Variants in TBC1D8 observed in about 807,000 individuals in gnomAD.
TBC1D8 encodes TBC1 domain family member 8.
In TBC1D8, 65 loss-of-function variants were observed where a neutral mutation model predicts 118.8. The observed-to-expected ratio is 0.55, with a 90% CI of 0.45 to 0.67. The LOEUF is 0.67. TBC1D8 is among the 30% of genes least tolerant of loss of function. TBC1D8 has a pLI of 0.00. For synonymous variants in TBC1D8, 566 were observed against 595.8 expected (o/e 0.95, Z 0.73); for missense variants, 1,376 against 1,471.2 (o/e 0.94, Z 1.06).
intron 1 of TBC1D8, among the ~76,000 whole-genome samples, chr2:101,146,435 C>CA (rs1679320304): frequency 6.6e-6 from 1 of 152,132 alleles, no homozygotes; most frequent in African/African-American, 2.4e-5. Context: ...ATTCAAATTA[C>CA]AACTTTTAAA....
intron 2 of TBC1D8, among the ~76,000 whole-genome samples, chr2:101,066,048 G>A (rs189621783): frequency 6.9e-4 from 105 of 152,236 alleles, no homozygotes; most frequent in Non-Finnish European, 9.4e-4. Context: ...TTGGGAGGCC[G>A]AGGCAGGCAG....
intron 10 of TBC1D8, 22 bp downstream of exon 10, chr2:101,033,521 GC>G (rs1558637839): frequency 2.5e-6 from 4 of 1,613,114 alleles, no homozygotes; most frequent in Middle Eastern, 1.6e-4. Context: ...GACTCTCTGC[GC>G]CCCAGAGCAC....
chr2:101,038,825 G>A (rs1168281981), intron 6 of TBC1D8, among the ~76,000 whole-genome samples, 170 bp from the exon 7 acceptor site: 1 of 152,208 alleles, frequency 6.6e-6, no homozygotes, highest in Non-Finnish European at 1.5e-5. Context: ...GGGAGGCTGT[G>A]CAAGGCTGCA....
intron 15 of TBC1D8, among the ~76,000 whole-genome samples, chr2:101,025,540 C>T (rs1237810003): frequency 6.6e-6 from 1 of 152,048 alleles, no homozygotes; most frequent in African/African-American, 2.4e-5. Flanking sequence ...TGCTTAGAAG[C>T]TTTGTTTTTC....
In TBC1D8 at chr2:101,007,663, G is replaced by T; in HGVS notation, c.*158C>A. On this transcript the variant is annotated 3_prime_UTR_variant, in exon 20 of 20. Transcript: ENST00000409318. Reference sequence around the variant, plus strand: ...TCTCAATACATAGAAATGCTTGAGGGTTGTGTCGGTTCCCCTGGCCACAGT... The same window carrying T: ...TCTCAATACATAGAAATGCTTGAGGTTTGTGTCGGTTCCCCTGGCCACAGT... 1 of 708,246 alleles carries T rather than the reference G, an allele frequency of 1.4e-6. No homozygotes were observed. The highest frequency in any genetic ancestry group is 2.5e-5 in the East Asian group (1 of 39,594). The allele number at this position is 708,246 out of a possible 1,614,324, so 43.9% of individuals were successfully genotyped here. A position where few individuals can be genotyped will look rare whatever the true frequency, so the allele number is the denominator to read the frequency against.
At chr2:101,107,419 A>G (rs1677293381) in intron 1 of TBC1D8, among the ~76,000 whole-genome samples, 1 of 152,106 alleles carries the variant, frequency 6.6e-6, no homozygotes, top group Non-Finnish European at 1.5e-5. Flanking sequence ...GGCAGGCACT[A>G]TCCAATTGGC....
rs548125341 is a variant in TBC1D8 at position 101,024,998 on chromosome 2, TTCA to T, written c.2520+2382_2520+2384del. Reference sequence around the variant, plus strand: ...CTATAGATTCTCATCTAGAACAAAGTTCATCATACATGGTCAACTGAAACAAAC... The same window carrying T: ...CTATAGATTCTCATCTAGAACAAAGTTCATACATGGTCAACTGAAACAAAC... On this transcript the variant is annotated intron_variant, in intron 15 of 19. Coordinates refer to ENST00000409318, the MANE Select transcript of TBC1D8 (RefSeq NM_001330348.2). Among the ~76,000 whole-genome samples the T allele has an allele frequency of 7.1e-3, 1,076 of 152,294 alleles. 7 individuals are homozygous for T. Among genetic ancestry groups the T allele is most frequent in the Middle Eastern group, 0.01 (3 of 294 alleles).
intron 1 of TBC1D8, among the ~76,000 whole-genome samples, chr2:101,114,001 C>T (rs950106740): frequency 6.6e-6 from 1 of 152,202 alleles, no homozygotes; most frequent in Non-Finnish European, 1.5e-5. Flanking sequence ...ACACCCACTA[C>T]GTGCTCAGGA....
At chr2:101,149,204 C>G (rs1345790189) in intron 1 of TBC1D8, among the ~76,000 whole-genome samples, 1 of 152,042 alleles carries the variant, frequency 6.6e-6, no homozygotes, top group Non-Finnish European at 1.5e-5. Flanking sequence ...AAGTCCAAAC[C>G]GAAGTAAATA....
chr2:101,047,589 T>G (rs1681790950), intron 5 of TBC1D8, among the ~76,000 whole-genome samples: 1 of 152,144 alleles, frequency 6.6e-6, no homozygotes, highest in Non-Finnish European at 1.5e-5. Flanking sequence ...GGCCAGGAAT[T>G]GGGAGGCAAG....
chr2:101,100,747 C>T (rs192467205), intron 1 of TBC1D8, among the ~76,000 whole-genome samples: 29 of 152,242 alleles, frequency 1.9e-4, no homozygotes, highest in Non-Finnish European at 2.9e-4. Flanking sequence ...CGTCTACAAC[C>T]ATCTGATCTT....
At chr2:101,054,597 C>G (rs1031592240) in intron 3 of TBC1D8, among the ~76,000 whole-genome samples, 16 of 149,856 alleles carry the variant, frequency 1.1e-4, no homozygotes, top group Non-Finnish European at 1.5e-5. Flanking sequence ...GGCCACTTAC[C>G]GATCATGAGG....
intron 15 of TBC1D8, among the ~76,000 whole-genome samples, chr2:101,025,469 C>T (rs1012799948): frequency 1.3e-5 from 2 of 152,154 alleles, no homozygotes; most frequent in East Asian, 1.9e-4. Flanking sequence ...TCAAGTGATT[C>T]GGCCTCCCAA....
chr2:101,124,028 G>C (rs1043953347), intron 1 of TBC1D8, among the ~76,000 whole-genome samples: 6 of 152,184 alleles, frequency 3.9e-5, no homozygotes. Context: ...CTGTTGTCCT[G>C]TCCCTGGATT....
chr2:101,031,884 A>T (rs987608485), intron 11 of TBC1D8, among the ~76,000 whole-genome samples: 1 of 150,100 alleles, frequency 6.7e-6, no homozygotes, highest in Non-Finnish European at 1.5e-5. Flanking sequence ...GCATCCCCCC[A>T]GGCCCCCACC....
At chr2:101,066,009 C>A (rs1204986608) in intron 2 of TBC1D8, among the ~76,000 whole-genome samples, 4 of 152,172 alleles carry the variant, frequency 2.6e-5, no homozygotes, top group Non-Finnish European at 5.9e-5. Flanking sequence ...AAGGCAGGCA[C>A]AGTGGCTCAT....
intron 1 of TBC1D8, among the ~76,000 whole-genome samples, chr2:101,112,531 C>A (rs964510154): frequency 6.6e-6 from 1 of 152,156 alleles, no homozygotes; most frequent in African/African-American, 2.4e-5. Context: ...ATGCCAGGTG[C>A]CAGAGACATC....
intron 1 of TBC1D8, among the ~76,000 whole-genome samples, chr2:101,135,126 C>T (rs1449843387): frequency 2.0e-5 from 3 of 152,062 alleles, no homozygotes; most frequent in Non-Finnish European, 4.4e-5. Context: ...GAGCCGAGAT[C>T]GCGCCACTGC....
chr2:101,033,304 G>GACA, intron 10 of TBC1D8: 1 of 566,162 alleles, frequency 1.8e-6, no homozygotes, highest in Non-Finnish European at 3.2e-6. Flanking sequence ...TTTAGTAGAT[G>GACA]GGGTTTCACC....
Sources: allele counts gnomAD v4.1 joint callset (sites outside exome capture counted in the v4.1 genomes callset), GRCh38; gene constraint gnomAD v4.1.1; transcripts MANE v1.5; gene names NCBI Gene and HGNC (gene_info 2026-07-23, HGNC 2026-07-21).